The following ZBTB25 variants were observed in gnomAD, a reference collection of about 807,000 sequenced individuals.
ZBTB25 encodes the protein zinc finger and BTB domain-containing protein 25.
Under a neutral mutation model 34.2 loss-of-function variants are expected in ZBTB25, and 20 were observed. The observed-to-expected ratio is 0.58, with a 90% CI of 0.41 to 0.85. The LOEUF (loss-of-function observed/expected upper bound fraction) is 0.85, where lower values mean the gene tolerates loss of function less well. Among genes scored for constraint, ZBTB25 ranks in the 40% least tolerant of loss-of-function variants. The probability of loss-of-function intolerance (pLI) is 0.00; values close to 1 mark genes in which losing one functional copy is unlikely to be tolerated. For missense variants in ZBTB25, 437 were observed against 521.8 expected, an observed-to-expected ratio of 0.84 and a Z score of 1.58; for synonymous variants, 175 against 186.4, an observed-to-expected ratio of 0.94 and a Z score of 0.50.
intron 2 of ZBTB25, chr14:64,469,318 T>TA: frequency 6.2e-7 from 1 of 1,613,522 alleles, no homozygotes; most frequent in Non-Finnish European, 8.5e-7. Context: ...AGCCAAAAGA[T>TA]ACTGAATTGA....
chr14:64,496,067 G>A (rs1304918132), intron 1 of ZBTB25, among the ~76,000 whole-genome samples: 1 of 151,948 alleles, frequency 6.6e-6, no homozygotes, highest in Non-Finnish European at 1.5e-5. Context: ...CTTTTTAAAC[G>A]AAAGCAATTT....
intron 2 of ZBTB25, chr14:64,470,896 A>G (rs2078663237): frequency 6.0e-6 from 1 of 167,018 alleles, no homozygotes; most frequent in Non-Finnish European, 1.5e-5. Flanking sequence ...ATATTCATCA[A>G]CTTCTCTCCA....
At chr14:64,503,019 C>T (rs1458465061) in intron 1 of ZBTB25, 2 of 985,298 alleles carry the variant, frequency 2.0e-6, no homozygotes, top group East Asian at 1.1e-4. Context: ...ATGCTAGGTG[C>T]CGTCAGGTTC....
chr14:64,455,420 A>G (rs1474384145), intron 2 of ZBTB25, among the ~76,000 whole-genome samples: 5 of 152,208 alleles, frequency 3.3e-5, no homozygotes, highest in Admixed American at 1.3e-4. Flanking sequence ...CAAGGTGTCC[A>G]TTGCTTTCTT....
At chr14:64,492,205 ATTATTATTATTATTAT>A (rs1266287302) in intron 1 of ZBTB25, among the ~76,000 whole-genome samples, 1 of 134,680 alleles carries the variant, frequency 7.4e-6, no homozygotes, top group East Asian at 2.1e-4. Flanking sequence ...TTATATTATT[ATTATTATTATTATTAT>A]TTGAGACGGA....
At chr14:64,470,610 A>AAAAAAG in intron 2 of ZBTB25, 2 of 151,344 alleles carry the variant, frequency 1.3e-5, no homozygotes, top group Non-Finnish European at 1.5e-5. Context: ...AAAAAAAAAA[A>AAAAAAG]GAGAACCATT....
At chr14:64,454,928 G>T (rs755271347) in intron 2 of ZBTB25, 1 of 1,589,578 alleles carries the variant, frequency 6.3e-7, no homozygotes, top group African/African-American at 1.3e-5. Context: ...CTCGTCTGAA[G>T]TGTGTTGCCG....
At chr14:64,491,833 A>C (rs943100569) in intron 1 of ZBTB25, among the ~76,000 whole-genome samples, 2 of 152,196 alleles carry the variant, frequency 1.3e-5, no homozygotes, top group Non-Finnish European at 2.9e-5. Flanking sequence ...CAGCCAGACC[A>C]AGGTCTAAGG....
chr14:64,459,954 T>C (rs1292262810), intron 2 of ZBTB25: 15 of 1,525,504 alleles, frequency 9.8e-6, no homozygotes, highest in South Asian at 6.0e-5. Flanking sequence ...AAATCATGCA[T>C]GTCTGTTTAC....
chr14:64,477,958 T>A (rs901605338), downstream of ZBTB25: 1 of 152,248 alleles, frequency 6.6e-6, no homozygotes, highest in African/African-American at 2.4e-5. Flanking sequence ...CTCTCCTGTT[T>A]CCAGGACAGT....
chr14:64,505,079 G>C (rs1159194805), upstream of ZBTB25: 3 of 362,098 alleles, frequency 8.3e-6, no homozygotes, highest in Non-Finnish European at 1.5e-5. Context: ...CGGCGGACGC[G>C]CTGCGAGGAC....
intron 1 of ZBTB25, among the ~76,000 whole-genome samples, chr14:64,494,471 C>G (rs1019291017): frequency 7.2e-5 from 11 of 151,886 alleles, no homozygotes; most frequent in African/African-American, 2.7e-4. Context: ...CGTCTCTACT[C>G]AAAATACAAA....
chr14:64,501,276 C>T (rs997915168), intron 1 of ZBTB25, among the ~76,000 whole-genome samples: 4 of 152,296 alleles, frequency 2.6e-5, no homozygotes, highest in East Asian at 3.9e-4. Context: ...TCTATATACA[C>T]TATCTCTTAA....
In ZBTB25 at chr14:64,503,770, G is replaced by T; in HGVS notation, c.-117C>A. 3.8e-6 allele frequency: 1 copy of T among 263,064 alleles called. No homozygotes were observed. Among genetic ancestry groups the T allele is most frequent in the South Asian group, 1.4e-4 (1 of 7,082 alleles). The allele number at this position is 263,064 out of a possible 1,614,324, so 16.3% of individuals were successfully genotyped here. On this transcript the variant is annotated 5_prime_UTR_variant, in exon 1 of 3. Coordinates refer to ENST00000608382, the MANE Select transcript of ZBTB25 (RefSeq NM_006977.5). ...CTCACGCACCCCTCGGCCGCCTCTC[G>T]CGCGGCTTCCCGCGCCGGCAGCCCG...
chr14:64,454,588 C>A lies in ZBTB25; in HGVS notation c.174-4950G>T, dbSNP rs116300923. On this transcript the variant is annotated intron_variant, in intron 2 of 2. Transcript: ENST00000555220. ...GCTTAATAAATAAGCTGGAGGACAG[C>A]AAGATAGAGATGTATATAAAGGGAG... 2.2e-3 allele frequency: 1,592 copies of A among 732,116 alleles called. 22 individuals are homozygous for A. The African/African-American group carries it at 0.024, about 11-fold the overall frequency. 45.4% of individuals were successfully genotyped at this position (732,116 alleles called of 1,614,324 possible).
intron 2 of ZBTB25, among the ~76,000 whole-genome samples, chr14:64,450,709 GT>G (rs553893868): frequency 2.0e-3 from 307 of 152,098 alleles, no homozygotes; most frequent in African/African-American, 7.1e-3. Flanking sequence ...TGATTTTTTT[GT>G]TTTGTTTTTT....
chr14:64,487,827 G>C lies in ZBTB25; in HGVS notation c.404C>G (p.Thr135Arg). ...SSNLYGIQIS[T>R]TQKTVVKQGL... ...TTGTTTGACAACTGTTTTTTGGGTT[G>C]TTGAGATCTGAATGCCATATAAATT... Residue 135 changes from threonine to arginine, a missense_variant, in exon 3 of 3, where the codon ACA becomes AGA. Thr to Arg is a moderately conservative substitution (Grantham distance 71, BLOSUM62 -1). Transcript: ENST00000608382. The C allele has an allele frequency of 1.2e-6, 2 of 1,614,146 alleles. No individual in the cohort carries two copies. The highest frequency in any genetic ancestry group is 8.5e-7 in the Non-Finnish European group (1 of 1,180,016).
At chr14:64,463,487 G>A (rs2078577579) in intron 2 of ZBTB25, 2 of 151,934 alleles carry the variant, frequency 1.3e-5, no homozygotes, top group Non-Finnish European at 2.9e-5. Context: ...TACTAATTTT[G>A]TTTAAAAGAA....
intron 1 of ZBTB25, chr14:64,502,728 A>C (rs2079536610): frequency 1.0e-6 from 1 of 984,966 alleles, no homozygotes; most frequent in African/African-American, 1.7e-5. Flanking sequence ...GAGTGCAATC[A>C]CCAAGGTGTC....
Sources: gnomAD v4.1 joint callset for allele counts (sites outside exome capture counted in the v4.1 genomes callset) on GRCh38, gnomAD v4.1.1 for gene constraint, MANE v1.5 for transcripts, NCBI Gene and HGNC (gene_info 2026-07-23, HGNC 2026-07-21) for gene names.